PCDHGA9: variants seen among roughly 807,000 people sequenced by gnomAD.
PCDHGA9 encodes protocadherin gamma-A9.
PCDHGA9 carries 37 observed loss-of-function variants against 62.5 expected under a neutral mutation model. The ratio of observed to expected loss-of-function variants is 0.59; its 90% CI spans 0.46 to 0.78. The LOEUF (loss-of-function observed/expected upper bound fraction) is 0.78. Ranked by LOEUF, PCDHGA9 falls within the 30% of genes least tolerant of loss-of-function variation. The probability of loss-of-function intolerance (pLI) is 0.00; values close to 1 mark genes in which losing one functional copy is unlikely to be tolerated. For missense variants in PCDHGA9, 1,138 were observed against 1,166.2 expected (o/e 0.98, Z 0.35); for synonymous variants, 459 against 484.6 (o/e 0.95, Z 0.69).
At chr5:141,429,361 A>G (rs2097205912) in intron 1 of PCDHGA9, among the ~76,000 whole-genome samples, 1 of 150,698 alleles carries the variant, frequency 6.6e-6, no homozygotes, top group East Asian at 1.9e-4. Context: ...AATGCATGAG[A>G]AAATGGAGAA....
At position 141,405,045 on chromosome 5, in the gene PCDHGA9, C is replaced by T. The variant is rs757899891; in HGVS notation, c.2093C>T (p.Ala698Val). Residue 698 changes from alanine (A) to valine (V), a missense_variant, in exon 1 of 4, where the codon GCA (alanine) becomes GTA (valine). Transcript: ENST00000573521. Reference sequence around the variant, plus strand: ...ACCCTCTACCTCGTTGTGGCTGTGGCAGTCGTCTCCTGTGTCTTCCTCACC... The same window carrying T: ...ACCCTCTACCTCGTTGTGGCTGTGGTAGTCGTCTCCTGTGTCTTCCTCACC... The part of the protein sequence containing the change: ...DLTLYLVVAV[A>V]VVSCVFLTFV... 6.2e-7 allele frequency: 1 copy of T among 1,613,918 alleles called. No homozygotes were observed.
chr5:141,422,342 TG>T, intron 1 of PCDHGA9: 1 of 1,551,514 alleles, frequency 6.4e-7, no homozygotes. Context: ...CTTCTAAATG[TG>T]CAAGATCAAG....
In PCDHGA9 at chr5:141,448,136, A is replaced by G. The variant is rs2098567363; in HGVS notation, c.2424+42760A>G. Among the ~76,000 whole-genome samples, 5 of 152,036 alleles carry G rather than the reference A, an allele frequency of 3.3e-5. No individual in the cohort carries two copies. The South Asian group carries it at 1.0e-3, about 32-fold the overall frequency. On this transcript the variant is annotated intron_variant, in intron 1 of 3. Transcript: ENST00000573521. ...AAAATTAGCCTCCCCCACCCTCACT[A>G]TACCTCAGACTCACCCCTGAAAGAT...
chr5:141,510,272 TA>T (rs546154379), intron 3 of PCDHGA9, among the ~76,000 whole-genome samples: 4,704 of 130,308 alleles, frequency 0.036, 80 homozygotes, highest in South Asian at 0.057. Flanking sequence ...GACTCCATCT[TA>T]AAAAAAAAAA....
At chr5:141,415,445 A>G (rs1225407576) in intron 1 of PCDHGA9, 7 of 1,614,202 alleles carry the variant, frequency 4.3e-6, no homozygotes, top group South Asian at 1.1e-5. Flanking sequence ...CTGCAGACCT[A>G]TTCCCACGAG....
rs543209695 is a variant in PCDHGA9, at chr5:141,431,563, C to A, written c.2424+26187C>A. The stretch of plus-strand genomic sequence containing the variant: ...AGCTGCTTGTAGTCAACGCTACCGA[C>A]CCTGACGAAGGAGTCAATGCGGAAG... On this transcript the variant is annotated intron_variant, in intron 1 of 3. Coordinates refer to ENST00000573521, the MANE Select transcript of PCDHGA9 (RefSeq NM_018921.3). The surrounding 1 kb of genome is among the most constrained non-coding windows in gnomAD (Gnocchi z 4.8). 1.2e-6 allele frequency: 2 copies of A among 1,614,144 alleles called. No individual in the cohort carries two copies. The highest frequency in any genetic ancestry group is 2.7e-5 in the African/African-American group (2 of 75,072).
chr5:141,423,943 G>GA, intron 1 of PCDHGA9: 1 of 1,211,382 alleles, frequency 8.3e-7, no homozygotes, highest in Non-Finnish European at 1.0e-6. Flanking sequence ...GAAGTAAGTT[G>GA]AATTTTAGTA....
intron 1 of PCDHGA9, among the ~76,000 whole-genome samples, chr5:141,472,400 G>A (rs2099279115): frequency 6.6e-6 from 1 of 152,024 alleles, no homozygotes; most frequent in East Asian, 1.9e-4. Flanking sequence ...AATTAGCCAG[G>A]CGTGGTGGCA....
At chr5:141,499,247 A>C (rs908111927) in intron 2 of PCDHGA9, among the ~76,000 whole-genome samples, 1 of 152,036 alleles carries the variant, frequency 6.6e-6, no homozygotes, top group Non-Finnish European at 1.5e-5. Flanking sequence ...CTCTGCACAA[A>C]GAGTCTCCAT....
At chr5:141,472,412 G>C (rs1283620276) in intron 1 of PCDHGA9, among the ~76,000 whole-genome samples, 1 of 152,058 alleles carries the variant, frequency 6.6e-6, no homozygotes, top group Non-Finnish European at 1.5e-5. Context: ...GTGGTGGCAC[G>C]CACCTGTATC....
rs1414210927 is a variant in PCDHGA9, at chr5:141,477,460, C to G, written c.2425-17347C>G. 1.9e-6 allele frequency: 3 copies of G among 1,614,014 alleles called. No homozygotes were observed. The highest frequency in any genetic ancestry group is 2.5e-6 in the Non-Finnish European group (3 of 1,180,028). On this transcript the variant is annotated intron_variant, in intron 1 of 3. Transcript: ENST00000573521. The surrounding 1 kb of genome is among the most constrained non-coding windows in gnomAD (Gnocchi z 4.9). ...TTACAATAGTGCGTGTTCAAGTGTC[C>G]GACATCAATGACAACCCTCCACAAT...
At chr5:141,447,032 C>A (rs1412709585) in intron 1 of PCDHGA9, among the ~76,000 whole-genome samples, 1 of 149,498 alleles carries the variant, frequency 6.7e-6, no homozygotes, top group Admixed American at 6.6e-5. Context: ...TGTTTTTTTT[C>A]TGTGTCTGGA....
Position 141,486,885 on chromosome 5 carries a change from G to A in PCDHGA9, c.2425-7922G>A, listed in dbSNP as rs139638334. On this transcript the variant is annotated intron_variant, in intron 1 of 3. Transcript: ENST00000573521. The surrounding 1 kb of genome is among the most constrained non-coding windows in gnomAD (Gnocchi z 5.0). ...CCAGCTGTGCTCCGTCCTCGGGCCC[G>A]GCCTGGTTCCTTATGTCCCCAAGCA... is the stretch of plus-strand genomic sequence containing the variant. 16 of 1,614,076 alleles carry A rather than the reference G, an allele frequency of 9.9e-6. No individual in the cohort carries two copies. The highest frequency in any genetic ancestry group is 1.6e-4 in the Middle Eastern group (1 of 6,084).
Position 141,457,874 on chromosome 5 carries a change from G to A in PCDHGA9, c.2425-36933G>A, listed in dbSNP as rs1592531610. Among the ~76,000 whole-genome samples, 7 of 152,320 alleles carry A rather than the reference G, an allele frequency of 4.6e-5. No homozygotes were observed. In the South Asian group the frequency reaches 1.5e-3, roughly 32 times the overall value. On this transcript the variant is annotated intron_variant, in intron 1 of 3. Transcript: ENST00000573521. ...ACATTCTTCACTGACCACAGGTTAGGAACCCTGTGTGGGGACTGTGTAGAC... is the reference window on the plus strand; with the variant it reads ...ACATTCTTCACTGACCACAGGTTAGAAACCCTGTGTGGGGACTGTGTAGAC...
At chr5:141,408,651 C>G (rs373860648) in intron 1 of PCDHGA9, 3 of 1,614,012 alleles carry the variant, frequency 1.9e-6, no homozygotes, top group South Asian at 1.1e-5. Context: ...TCCGCTGGTA[C>G]ACGACTATCG....
In PCDHGA9 at chr5:141,431,538, AGCTGCTTGTAGTCAAC is replaced by A; in HGVS notation, c.2424+26166_2424+26181del. 2 of 1,614,114 alleles carry A rather than the reference AGCTGCTTGTAGTCAAC, an allele frequency of 1.2e-6. No homozygotes were observed. Among genetic ancestry groups the A allele is most frequent in the Non-Finnish European group, 1.7e-6 (2 of 1,180,024 alleles). ...CCGGAGAATCTGGCCTTGGGCACGC[AGCTGCTTGTAGTCAAC>A]GCTACCGACCCTGACGAAGGAGTCA... On this transcript the variant is annotated intron_variant, in intron 1 of 3. Coordinates refer to ENST00000573521, the MANE Select transcript of PCDHGA9 (RefSeq NM_018921.3). This position sits in a 1 kb window ranked among gnomAD's most constrained non-coding sequence, Gnocchi z 4.8.
chr5:141,432,537 C>T lies in PCDHGA9; in HGVS notation c.2424+27161C>T, dbSNP rs367578838. Reference sequence around the variant, plus strand: ...GGCTACCTGGTGACCAAGGTGGTGGCGGTGGACAGAGACTCCGGCCAGAAC... The same window carrying T: ...GGCTACCTGGTGACCAAGGTGGTGGTGGTGGACAGAGACTCCGGCCAGAAC... On this transcript the variant is annotated intron_variant, in intron 1 of 3. Transcript: ENST00000573521. This position sits in a 1 kb window ranked among gnomAD's most constrained non-coding sequence, Gnocchi z 6.0. The T allele has an allele frequency of 5.6e-6, 9 of 1,613,882 alleles. No homozygotes were observed. The African/African-American group carries it at 6.7e-5, about 12-fold the overall frequency.
intron 1 of PCDHGA9, among the ~76,000 whole-genome samples, chr5:141,451,365 G>C (rs557753113): frequency 2.0e-5 from 3 of 152,116 alleles, no homozygotes; most frequent in Non-Finnish European, 4.4e-5. Context: ...GGATGGATCC[G>C]CTTCTAATCT....
At chr5:141,410,839 T>G in intron 1 of PCDHGA9, 2 of 481,442 alleles carry the variant, frequency 4.2e-6, no homozygotes, top group Non-Finnish European at 6.8e-6. Context: ...TGAAGATATT[T>G]TGTCTTTGTC....
Sources: gnomAD v4.1 joint callset for allele counts (sites outside exome capture counted in the v4.1 genomes callset) on GRCh38, gnomAD v4.1.1 for gene constraint, Gnocchi (gnomAD v3.1) non-coding constraint, MANE v1.5 for transcripts, NCBI Gene and HGNC (gene_info 2026-07-23, HGNC 2026-07-21) for gene names.